The following KCNH7 variants were observed in gnomAD, a reference collection of about 807,000 sequenced individuals.
The protein encoded by KCNH7 is potassium voltage-gated channel subfamily H member 7, also known as voltage-gated inwardly rectifying potassium channel KCNH7.
A neutral mutation model predicts 120.8 loss-of-function variants in KCNH7; 49 were observed. The ratio of observed to expected loss-of-function variants is 0.41; its 90% confidence interval spans 0.32 to 0.51. The LOEUF is 0.51. KCNH7 is among the 20% of genes least tolerant of loss of function. The probability of loss-of-function intolerance (pLI) is 0.38; values close to 1 mark genes in which losing one functional copy is unlikely to be tolerated. For synonymous variants in KCNH7, 547 were observed against 516.1 expected (o/e 1.06, Z -0.81); for missense variants, 1,097 against 1,446.6 (o/e 0.76, Z 3.92).
chr2:162,694,456 G>T (rs1686218073), intron 2 of KCNH7, among the ~76,000 whole-genome samples: 1 of 150,772 alleles, frequency 6.6e-6, no homozygotes, highest in African/African-American at 2.5e-5. Flanking sequence ...ACCAGCTGGT[G>T]CGTGTGGGTA....
chr2:162,423,899 T>A (rs1416575073), intron 8 of KCNH7, among the ~76,000 whole-genome samples: 1 of 152,150 alleles, frequency 6.6e-6, no homozygotes, highest in Non-Finnish European at 1.5e-5. Context: ...TTGAAAAAAA[T>A]ATGAGGCAAA....
rs1195097963 is a variant in KCNH7 at position 162,504,601 on chromosome 2, T to C, written c.970A>G (p.Asn324Asp). ...ATCTTGTTAATGGTGCTGTATTTGTTGAGGTTTGAATCTGATGTGGATCCC... is the reference window on the plus strand; with the variant it reads ...ATCTTGTTAATGGTGCTGTATTTGTCGAGGTTTGAATCTGATGTGGATCCC... ...LLGSTSDSNLNKYSTINKIPQ... is the reference protein window; with the variant it reads ...LLGSTSDSNLDKYSTINKIPQ... The change falls in exon 6 of 16, where the codon AAC becomes GAC. Residue 324 changes from asparagine (N) to aspartate (D), a missense_variant. Around this residue, in one of 8 missense-constraint regions of KCNH7, gnomAD observed 362 missense variants for 372.2 expected, o/e 0.97. Transcript: ENST00000332142. The C allele has an allele frequency of 6.2e-7, 1 of 1,613,006 alleles. No individual in the cohort carries two copies. The highest frequency in any genetic ancestry group is 1.1e-5 in the South Asian group (1 of 91,060).
intron 2 of KCNH7, among the ~76,000 whole-genome samples, chr2:162,751,333 A>G (rs1356072355): frequency 1.3e-5 from 2 of 152,204 alleles, no homozygotes; most frequent in African/African-American, 4.8e-5. Context: ...TAAATACAAT[A>G]AATTAGAGAA....
At chr2:162,780,307 T>C (rs1185254463) in intron 2 of KCNH7, among the ~76,000 whole-genome samples, 1 of 152,172 alleles carries the variant, frequency 6.6e-6, no homozygotes, top group Non-Finnish European at 1.5e-5. Flanking sequence ...CACAAAAGTA[T>C]ATCTCATTCT....
At chr2:162,527,034 G>C (rs966093374) in intron 3 of KCNH7, among the ~76,000 whole-genome samples, 1 of 151,896 alleles carries the variant, frequency 6.6e-6, no homozygotes, top group African/African-American at 2.4e-5. Context: ...CGGTCCCTCC[G>C]TTCGGGGTCC....
At chr2:162,464,115 A>G (rs1028253054) in intron 6 of KCNH7, among the ~76,000 whole-genome samples, 2 of 152,028 alleles carry the variant, frequency 1.3e-5, no homozygotes, top group Non-Finnish European at 2.9e-5. Context: ...CAATGGGTAC[A>G]TGAATCATCT....
intron 2 of KCNH7, among the ~76,000 whole-genome samples, chr2:162,552,917 G>A (rs1692725799): frequency 6.6e-6 from 1 of 152,280 alleles, no homozygotes. Context: ...CTTGATTTCA[G>A]CCTTGTAACA....
At chr2:162,687,881 T>A (rs1030783815) in intron 2 of KCNH7, among the ~76,000 whole-genome samples, 2 of 152,290 alleles carry the variant, frequency 1.3e-5, no homozygotes, top group South Asian at 4.1e-4. Context: ...ATAAAAACTA[T>A]GTGTATGTAC....
chr2:162,593,254 G>C (rs947397041), intron 2 of KCNH7, among the ~76,000 whole-genome samples: 1 of 152,024 alleles, frequency 6.6e-6, no homozygotes, highest in Admixed American at 6.6e-5. Flanking sequence ...TGGAAGTTAT[G>C]TTTAAGAATT....
chr2:162,473,857 T>C (rs1273959179), intron 6 of KCNH7, among the ~76,000 whole-genome samples: 3 of 152,174 alleles, frequency 2.0e-5, no homozygotes, highest in Non-Finnish European at 2.9e-5. Context: ...GTGTATAAAG[T>C]CTTTCTGTAG....
At chr2:162,642,455 T>C (rs1684194772) in intron 2 of KCNH7, among the ~76,000 whole-genome samples, 1 of 152,240 alleles carries the variant, frequency 6.6e-6, no homozygotes, top group Non-Finnish European at 1.5e-5. Flanking sequence ...CAAGGTCTTA[T>C]GTGCAGGAGG....
In KCNH7 at chr2:162,373,675, C is replaced by T. The variant is rs41464145; in HGVS notation, c.3132-13G>A. ...TTGGGATTCAAGCCTACAGAACAGACAGAAGTAGGAAAAGACAGTCTAAAA... is the reference window on the plus strand; with the variant it reads ...TTGGGATTCAAGCCTACAGAACAGATAGAAGTAGGAAAAGACAGTCTAAAA... On this transcript the variant is annotated splice_polypyrimidine_tract_variant and intron_variant, in intron 14 of 15. Coordinates refer to ENST00000332142, the MANE Select transcript of KCNH7 (RefSeq NM_033272.4). The T allele has an allele frequency of 0.014, 19,483 of 1,441,260 alleles. 1,336 individuals carry two copies. The Admixed American group carries it at 0.19, about 14-fold the overall frequency. 89.3% of individuals were successfully genotyped at this position (1,441,260 alleles called of 1,614,324 possible).
At chr2:162,606,252 T>A (rs1299548850) in intron 2 of KCNH7, among the ~76,000 whole-genome samples, 1 of 152,006 alleles carries the variant, frequency 6.6e-6, no homozygotes, top group Non-Finnish European at 1.5e-5. Context: ...TTTGAGTCTG[T>A]AGCCCAGGAG....
chr2:162,692,117 A>G (rs1439080959), intron 2 of KCNH7, among the ~76,000 whole-genome samples: 1 of 149,322 alleles, frequency 6.7e-6, no homozygotes, highest in Non-Finnish European at 1.5e-5. Context: ...GATGCAAACA[A>G]CATTGAGTTT....
At chr2:162,596,160 C>G (rs1694372654) in intron 2 of KCNH7, among the ~76,000 whole-genome samples, 1 of 151,834 alleles carries the variant, frequency 6.6e-6, no homozygotes, top group East Asian at 1.9e-4. Flanking sequence ...TCAATGCAAC[C>G]CCTATCAAAA....
At chr2:162,658,006 A>G (rs536784976) in intron 2 of KCNH7, among the ~76,000 whole-genome samples, 26 of 151,806 alleles carry the variant, frequency 1.7e-4, no homozygotes, top group Non-Finnish European at 2.9e-4. Context: ...GTAGGTGATT[A>G]GGTGATGAGG....
At chr2:162,799,945 C>CAT (rs1238281191) in intron 2 of KCNH7, among the ~76,000 whole-genome samples, 1 of 79,040 alleles carries the variant, frequency 1.3e-5, no homozygotes, top group Non-Finnish European at 3.4e-5. Flanking sequence ...TTGTTTTACA[C>CAT]ACATACACAC....
intron 2 of KCNH7, among the ~76,000 whole-genome samples, chr2:162,787,055 G>T (rs1400819074): frequency 6.6e-6 from 1 of 152,226 alleles, no homozygotes; most frequent in African/African-American, 2.4e-5. Context: ...CGAGCAATGA[G>T]TTCATAGTGA....
intron 2 of KCNH7, among the ~76,000 whole-genome samples, chr2:162,619,197 A>T (rs928999813): frequency 1.3e-5 from 2 of 152,156 alleles, no homozygotes; most frequent in African/African-American, 4.8e-5. Context: ...ACTAAGAAAA[A>T]GTAACACACC....
Sources: gnomAD v4.1 joint callset for allele counts (sites outside exome capture counted in the v4.1 genomes callset) on GRCh38, gnomAD v4.1.1 for gene constraint, gnomAD v4.1.1 regional missense constraint, MANE v1.5 for transcripts, NCBI Gene and HGNC (gene_info 2026-07-23, HGNC 2026-07-21) for gene names.